Variants in CNTNAP2 observed in about 807,000 individuals in gnomAD.
CNTNAP2 encodes contactin associated protein 2.
CNTNAP2 carries 98 observed loss-of-function variants against 155.2 expected under a neutral mutation model. That is an observed-to-expected ratio of 0.63 (90% confidence interval 0.54 to 0.75). The LOEUF is 0.75. Ranked by LOEUF, CNTNAP2 falls within the 30% of genes least tolerant of loss-of-function variation. CNTNAP2 has a pLI of 0.00. For missense variants in CNTNAP2, 1,727 were observed against 1,688.1 expected, an observed-to-expected ratio of 1.02 and a Z score of -0.40; for synonymous variants, 651 against 631.2, an observed-to-expected ratio of 1.03 and a Z score of -0.47.
At position 148,248,977 on chromosome 7, in the gene CNTNAP2, G is replaced by A. The variant is rs576799513; in HGVS notation, c.3382-18056G>A. Reference sequence around the variant, plus strand: ...TCCCTGATGACTGATGATGTTTAGCGACTTTTCAAGTGCTTATTGACCACT... The same window carrying A: ...TCCCTGATGACTGATGATGTTTAGCAACTTTTCAAGTGCTTATTGACCACT... On this transcript the variant is annotated intron_variant, in intron 20 of 23. Transcript: ENST00000361727. Among the ~76,000 whole-genome samples, 86 of 152,242 alleles carry A rather than the reference G, an allele frequency of 5.6e-4. 1 individual carries two copies. Among genetic ancestry groups the A allele is most frequent in the Non-Finnish European group, 7.6e-4 (52 of 68,008 alleles).
intron 1 of CNTNAP2, among the ~76,000 whole-genome samples, chr7:146,563,485 C>T (rs1299888166): frequency 1.3e-5 from 2 of 152,004 alleles, no homozygotes; most frequent in Admixed American, 1.3e-4. Context: ...TCAGTATCCT[C>T]CAGAGAGCAT....
At chr7:146,882,145 C>A (rs1236522885) in intron 3 of CNTNAP2, among the ~76,000 whole-genome samples, 1 of 152,054 alleles carries the variant, frequency 6.6e-6, no homozygotes, top group Non-Finnish European at 1.5e-5. Context: ...GACACGGTTT[C>A]TTTCTTATGG....
At chr7:146,413,473 T>C (rs1795895479) in intron 1 of CNTNAP2, among the ~76,000 whole-genome samples, 1 of 152,218 alleles carries the variant, frequency 6.6e-6, no homozygotes, top group South Asian at 2.1e-4. Context: ...TATTTTCTAT[T>C]TGCAGACAAA....
At chr7:147,440,450 A>G (rs1797618669) in intron 10 of CNTNAP2, among the ~76,000 whole-genome samples, 1 of 152,058 alleles carries the variant, frequency 6.6e-6, no homozygotes, top group African/African-American at 2.4e-5. Context: ...AGTTGTAGTT[A>G]TTATTTTTGA....
chr7:147,540,484 A>G (rs1799619973), intron 11 of CNTNAP2, among the ~76,000 whole-genome samples: 2 of 152,210 alleles, frequency 1.3e-5, no homozygotes, highest in Admixed American at 6.5e-5. Flanking sequence ...TATAAAGAGT[A>G]AGTTATATTT....
At chr7:147,645,758 A>AT (rs1795356084) in intron 13 of CNTNAP2, among the ~76,000 whole-genome samples, 1 of 152,180 alleles carries the variant, frequency 6.6e-6, no homozygotes, top group Non-Finnish European at 1.5e-5. Flanking sequence ...TATGGGAAAG[A>AT]TTCATATGAG....
intron 1 of CNTNAP2, among the ~76,000 whole-genome samples, chr7:146,549,424 G>T (rs1187700970): frequency 6.6e-6 from 1 of 151,966 alleles, no homozygotes; most frequent in Non-Finnish European, 1.5e-5. Flanking sequence ...TATCTGTACT[G>T]TAAGGAAAAT....
chr7:147,180,720 C>G (rs184451619), intron 8 of CNTNAP2, among the ~76,000 whole-genome samples: 11 of 152,166 alleles, frequency 7.2e-5, no homozygotes, highest in Admixed American at 2.6e-4. Context: ...ACTGAAGTTA[C>G]CTTCATTCAA....
chr7:147,549,341 G>A (rs949875554), intron 11 of CNTNAP2, among the ~76,000 whole-genome samples: 2 of 151,980 alleles, frequency 1.3e-5, no homozygotes, highest in Non-Finnish European at 2.9e-5. Flanking sequence ...GTATTCCTAG[G>A]TTTTTATTCT....
intron 4 of CNTNAP2, among the ~76,000 whole-genome samples, chr7:147,050,323 TA>T (rs1402481642): frequency 1.3e-5 from 2 of 152,208 alleles, no homozygotes; most frequent in Non-Finnish European, 2.9e-5. Flanking sequence ...GTGCACTGAT[TA>T]AAGTACTGAG....
At chr7:148,055,048 A>G (rs1180830313) in intron 15 of CNTNAP2, among the ~76,000 whole-genome samples, 1 of 151,692 alleles carries the variant, frequency 6.6e-6, no homozygotes, top group Non-Finnish European at 1.5e-5. Context: ...ACGCCTGGCT[A>G]ATTTTTTTGT....
intron 8 of CNTNAP2, among the ~76,000 whole-genome samples, chr7:147,138,329 A>T (rs1383377537): frequency 3.9e-5 from 6 of 151,986 alleles, no homozygotes; most frequent in African/African-American, 1.4e-4. Flanking sequence ...TAAAGATCTG[A>T]GTACTAGATC....
At chr7:147,799,669 A>G (rs1372151643) in intron 13 of CNTNAP2, among the ~76,000 whole-genome samples, 2 of 152,236 alleles carry the variant, frequency 1.3e-5, no homozygotes, top group African/African-American at 4.8e-5. Context: ...ACAGGAAGGA[A>G]ATCATTTCAG....
intron 13 of CNTNAP2, among the ~76,000 whole-genome samples, chr7:147,869,782 T>C (rs1261420658): frequency 6.6e-6 from 1 of 152,186 alleles, no homozygotes; most frequent in African/African-American, 2.4e-5. Flanking sequence ...TTGCAGATAA[T>C]AAGTTTGTGC....
At chr7:147,671,492 GT>G (rs1795786005) in intron 13 of CNTNAP2, among the ~76,000 whole-genome samples, 1 of 151,826 alleles carries the variant, frequency 6.6e-6, no homozygotes, top group Admixed American at 6.7e-5. Flanking sequence ...GTCCAGTGAC[GT>G]TTATCTGAGA....
intron 21 of CNTNAP2, among the ~76,000 whole-genome samples, chr7:148,341,854 A>G (rs959612239): frequency 2.6e-5 from 4 of 152,190 alleles, no homozygotes; most frequent in Non-Finnish European, 5.9e-5. Context: ...CATACTCCAC[A>G]TTTGACCCAG....
chr7:147,449,129 CAT>C (rs61347717), intron 10 of CNTNAP2, among the ~76,000 whole-genome samples: 118 of 152,262 alleles, frequency 7.7e-4, no homozygotes, highest in African/African-American at 2.6e-3. Flanking sequence ...GTAAAACACT[CAT>C]ATACCTATTG....
intron 10 of CNTNAP2, among the ~76,000 whole-genome samples, chr7:147,476,369 T>G (rs995431616): frequency 2.6e-5 from 4 of 152,042 alleles, no homozygotes; most frequent in Non-Finnish European, 5.9e-5. Context: ...CCTCCCAAAG[T>G]GCTGGGATTA....
At chr7:147,211,876 TG>T (rs1281450385) in intron 8 of CNTNAP2, among the ~76,000 whole-genome samples, 3 of 151,932 alleles carry the variant, frequency 2.0e-5, no homozygotes, top group Non-Finnish European at 4.4e-5. Flanking sequence ...ACCTACAAAA[TG>T]GGAGACAATA....
Sources: gnomAD v4.1 joint callset for allele counts (sites outside exome capture counted in the v4.1 genomes callset) on GRCh38, gnomAD v4.1.1 for gene constraint, MANE v1.5 for transcripts, NCBI Gene and HGNC (gene_info 2026-07-23, HGNC 2026-07-21) for gene names.